ASAP1: variants seen among roughly 807,000 people sequenced by gnomAD.
The protein encoded by ASAP1 is ArfGAP with SH3 domain, ankyrin repeat and PH domain 1.
ASAP1 carries 43 observed loss-of-function variants against 145.2 expected under a neutral mutation model. The ratio of observed to expected loss-of-function variants is 0.30; its 90% CI spans 0.23 to 0.38. The LOEUF (loss-of-function observed/expected upper bound fraction) is 0.38. ASAP1 is among the 10% of genes least tolerant of loss of function. The pLI is 1.00. For missense variants in ASAP1, 1,018 were observed against 1,355.3 expected, an observed-to-expected ratio of 0.75 and a Z score of 3.91; for synonymous variants, 546 against 515.5, an observed-to-expected ratio of 1.06 and a Z score of -0.80.
At chr8:130,112,020 T>C in intron 24 of ASAP1, 74 bp downstream of exon 24, 1 of 1,397,650 alleles carries the variant, frequency 7.2e-7, no homozygotes, top group Non-Finnish European at 1.0e-6. Flanking sequence ...CAAAGCTGGC[T>C]AGACTATCAG....
At chr8:130,075,982 A>C (rs1187916557) in intron 27 of ASAP1, among the ~76,000 whole-genome samples, 1 of 152,220 alleles carries the variant, frequency 6.6e-6, no homozygotes, top group African/African-American at 2.4e-5. Context: ...TCTCAGGTTT[A>C]GTGAAGCTAC....
intron 5 of ASAP1, among the ~76,000 whole-genome samples, chr8:130,206,875 C>A (rs901451339): frequency 6.6e-6 from 1 of 151,832 alleles, no homozygotes; most frequent in Non-Finnish European, 1.5e-5. Context: ...CAAATCTCTG[C>A]TGACTCCTTA....
rs57950334 is a variant in ASAP1, at chr8:130,099,680, C to CTTTT, written c.2402-7541_2402-7538dup. Among the ~76,000 whole-genome samples, 19 of 100,186 alleles carry CTTTT rather than the reference C, an allele frequency of 1.9e-4. 1 individual carries two copies. Among genetic ancestry groups the CTTTT allele is most frequent in the Non-Finnish European group, 2.7e-4 (13 of 48,260 alleles). 65.7% of individuals were successfully genotyped at this position (100,186 alleles called of 152,430 possible). On this transcript the variant is annotated intron_variant, in intron 24 of 29. Transcript: ENST00000518721. ...TTGTAGCACATGAAAGGATTTCATT[C>CTTTT]TTTTTTTTTTTTTTTTTTTTGAGAC... is the stretch of plus-strand genomic sequence containing the variant.
At chr8:130,152,929 C>T (rs187825110) in intron 12 of ASAP1, 124 bp from the exon 13 acceptor site, 3 of 641,106 alleles carry the variant, frequency 4.7e-6, no homozygotes, top group African/African-American at 3.7e-5. Context: ...TCCAACCCCC[C>T]CAAAAAAATC....
At chr8:130,365,765 C>T (rs1278257257) in intron 2 of ASAP1, among the ~76,000 whole-genome samples, 3 of 152,056 alleles carry the variant, frequency 2.0e-5, no homozygotes, top group Non-Finnish European at 4.4e-5. Context: ...ATTATGGCCC[C>T]AAAGTGCCAA....
In ASAP1 at chr8:130,188,151, G is replaced by A. The variant is rs545619971; in HGVS notation, c.438C>T (p.Thr146=). The A allele has an allele frequency of 1.9e-6, 3 of 1,613,828 alleles. No homozygotes were observed. In the Admixed American group the frequency reaches 5.0e-5, roughly 27 times the overall value. Residue 146 remains threonine, a synonymous_variant, in exon 6 of 30, where the codon ACC becomes ACT. Transcript: ENST00000518721. Reference sequence around the variant, plus strand: ...GGTCTCCTTTTAACAAAGAATCCAAGGTGAAGATCACATTGTGGCTCAAAC... The same window carrying A: ...GGTCTCCTTTTAACAAAGAATCCAAAGTGAAGATCACATTGTGGCTCAAAC... ...LQGLSHNVIF[T]LDSLLKGDLK...
intron 9 of ASAP1, among the ~76,000 whole-genome samples, chr8:130,176,172 C>T (rs755666776): frequency 2.6e-5 from 4 of 152,170 alleles, no homozygotes; most frequent in East Asian, 1.9e-4. Context: ...ACGGAAGTGT[C>T]GTGACTATTA....
intron 11 of ASAP1, among the ~76,000 whole-genome samples, chr8:130,166,000 A>ATTC (rs1167668650): frequency 6.6e-6 from 1 of 152,086 alleles, no homozygotes; most frequent in Non-Finnish European, 1.5e-5. Flanking sequence ...TGTTATTATT[A>ATTC]TTAAATATTG....
At chr8:130,158,543 G>A (rs958612967) in intron 12 of ASAP1, among the ~76,000 whole-genome samples, 6 of 151,916 alleles carry the variant, frequency 3.9e-5, no homozygotes, top group Non-Finnish European at 1.5e-5. Flanking sequence ...ATTATTAAAG[G>A]GAATAATGAA....
chr8:130,353,855 A>T (rs1266730423), intron 3 of ASAP1, among the ~76,000 whole-genome samples: 1 of 148,688 alleles, frequency 6.7e-6, no homozygotes, highest in Non-Finnish European at 1.5e-5. Flanking sequence ...TCGGCGACAG[A>T]GTGAGAGAGC....
At chr8:130,104,144 C>T (rs2097533297) in intron 24 of ASAP1, among the ~76,000 whole-genome samples, 1 of 152,182 alleles carries the variant, frequency 6.6e-6, no homozygotes, top group Non-Finnish European at 1.5e-5. Flanking sequence ...ACTCAGTACA[C>T]AACTGAAAAA....
At chr8:130,092,226 C>T in intron 24 of ASAP1, 83 bp from the exon 25 acceptor site, 4 of 1,402,518 alleles carry the variant, frequency 2.9e-6, no homozygotes, top group Admixed American at 2.7e-5. Flanking sequence ...CACTTCCACA[C>T]ATCAGAATGT....
At chr8:130,297,905 T>A (rs960689414) in intron 3 of ASAP1, among the ~76,000 whole-genome samples, 1 of 152,188 alleles carries the variant, frequency 6.6e-6, no homozygotes, top group Non-Finnish European at 1.5e-5. Flanking sequence ...CAAAGTGACA[T>A]GCTCTTGTAG....
At chr8:130,068,776 C>G (rs1483839979) in intron 27 of ASAP1, among the ~76,000 whole-genome samples, 1 of 152,184 alleles carries the variant, frequency 6.6e-6, no homozygotes, top group Admixed American at 6.5e-5. Context: ...GATGCAGTAG[C>G]TGATATGCTC....
intron 24 of ASAP1, among the ~76,000 whole-genome samples, chr8:130,096,067 C>G (rs544748747): frequency 6.6e-6 from 1 of 152,298 alleles, no homozygotes; most frequent in African/African-American, 2.4e-5. Flanking sequence ...AACACACAGA[C>G]AGACCTATCT....
At chr8:130,105,382 T>G (rs537683062) in intron 24 of ASAP1, among the ~76,000 whole-genome samples, 1 of 152,348 alleles carries the variant, frequency 6.6e-6, no homozygotes, top group Admixed American at 6.5e-5. Context: ...TGAGCATTCC[T>G]GGAGTTTTGG....
intron 24 of ASAP1, among the ~76,000 whole-genome samples, chr8:130,107,532 AT>A (rs2097539405): frequency 2.2e-4 from 18 of 83,136 alleles, no homozygotes; most frequent in South Asian, 5.6e-4. Flanking sequence ...GTATGTATGT[AT>A]GTATGTATGT....
intron 3 of ASAP1, among the ~76,000 whole-genome samples, chr8:130,317,743 T>C (rs573715580): frequency 6.6e-6 from 1 of 152,342 alleles, no homozygotes; most frequent in South Asian, 2.1e-4. Context: ...AAGAGTGGAA[T>C]GTAGCAGATG....
At chr8:130,308,717 A>C (rs12679283) in intron 3 of ASAP1, among the ~76,000 whole-genome samples, 4 of 152,086 alleles carry the variant, frequency 2.6e-5, no homozygotes, top group African/African-American at 9.7e-5. Flanking sequence ...CCCTCAGTAC[A>C]TATCAACTAA....
Sources: allele counts gnomAD v4.1 joint callset (sites outside exome capture counted in the v4.1 genomes callset), GRCh38; gene constraint gnomAD v4.1.1; transcripts MANE v1.5; gene names NCBI Gene and HGNC (gene_info 2026-07-23, HGNC 2026-07-21).